TUBA3E: variants seen among roughly 807,000 people sequenced by gnomAD.
TUBA3E encodes the protein tubulin alpha 3e, also known as tubulin alpha-3E chain.
In TUBA3E, 21 loss-of-function variants were observed where a neutral mutation model predicts 36.7. The ratio of observed to expected loss-of-function variants is 0.57; its 90% CI spans 0.41 to 0.83. The LOEUF is 0.83. Ranked by LOEUF, TUBA3E falls within the 40% of genes least tolerant of loss-of-function variation. The pLI, the probability that TUBA3E is intolerant of heterozygous loss-of-function variation, is 0.00. For missense variants in TUBA3E, 469 were observed against 604.2 expected (o/e 0.78, Z 2.35); for synonymous variants, 177 against 241.9 (o/e 0.73, Z 2.49).
intron 1 of TUBA3E, among the ~76,000 whole-genome samples, chr2:130,197,379 C>T (rs143110722): frequency 0.013 from 1,017 of 79,038 alleles, 14 homozygotes; most frequent in Admixed American, 0.016. Context: ...ACCAGCTACT[C>T]GGAAGGCTGA....
In TUBA3E at chr2:130,193,808, T is replaced by G; in HGVS notation, c.1034A>C (p.Asp345Ala). ...IKTKRTIQFV[D>A]WCPTGFKVGI... ...TACCTTAAATCCAGTCGGGCACCAA[T>G]CCACAAACTGGATAGTGCGCTTGGT... Residue 345 changes from aspartate to alanine, a missense_variant, in exon 4 of 5, where the codon GAT (aspartate) becomes GCT (alanine). This residue lies in a region of TUBA3E where 296 missense variants were observed against 346.9 expected (regional missense o/e 0.85). Transcript: ENST00000312988. 2 of 1,610,148 alleles carry G rather than the reference T, an allele frequency of 1.2e-6. No homozygotes were observed. Among genetic ancestry groups the G allele is most frequent in the Middle Eastern group, 1.7e-4 (1 of 6,046 alleles).
At chr2:130,194,555 A>G in intron 3 of TUBA3E, 89 bp from the exon 4 acceptor site, 1 of 1,363,962 alleles carries the variant, frequency 7.3e-7, no homozygotes, top group Non-Finnish European at 9.9e-7. Flanking sequence ...TTTGCCTCTA[A>G]AGAGTTGATA....
chr2:130,192,048 C>T lies in TUBA3E; in HGVS notation c.1136G>A (p.Ser379Asn). Residue 379 changes from serine to asparagine, a missense_variant, in exon 5 of 5, where the codon AGC (serine) becomes AAC (asparagine). This residue lies in a region of TUBA3E where 296 missense variants were observed against 346.9 expected (regional missense o/e 0.85). Coordinates refer to ENST00000312988, the MANE Select transcript of TUBA3E (RefSeq NM_207312.3). Reference sequence around the variant, plus strand: ...GGCCTCCGCAATGGCCGTGGTGTTGCTCAGCATGCACACGGCCCGCTGCAC... The same window carrying T: ...GGCCTCCGCAATGGCCGTGGTGTTGTTCAGCATGCACACGGCCCGCTGCAC... The part of the protein sequence containing the change: ...AKVQRAVCML[S>N]NTTAIAEAWA... The T allele has an allele frequency of 2.5e-6, 4 of 1,614,144 alleles. No individual in the cohort carries two copies. The highest frequency in any genetic ancestry group is 3.4e-6 in the Non-Finnish European group (4 of 1,180,010).
At chr2:130,195,445 G>T (rs13007812) in intron 2 of TUBA3E, among the ~76,000 whole-genome samples, 1 of 152,216 alleles carries the variant, frequency 6.6e-6, no homozygotes, top group South Asian at 2.1e-4. Flanking sequence ...CTCAGCTTGT[G>T]GTATAAATGT....
chr2:130,192,859 A>G (rs909133106), intron 4 of TUBA3E, among the ~76,000 whole-genome samples: 17 of 152,080 alleles, frequency 1.1e-4, no homozygotes, highest in African/African-American at 4.1e-4. Context: ...ACTTTGGGAG[A>G]CAGGCGGGCA....
chr2:130,192,939 C>T (rs1340894263), intron 4 of TUBA3E, among the ~76,000 whole-genome samples: 2 of 152,058 alleles, frequency 1.3e-5, no homozygotes, highest in African/African-American at 4.8e-5. Flanking sequence ...ACTAAAAATA[C>T]AAAAATTAGC....
In TUBA3E at chr2:130,194,052, G is replaced by A. The variant is rs76767502; in HGVS notation, c.790C>T (p.Arg264Cys). The A allele has an allele frequency of 1.4e-4, 227 of 1,614,186 alleles. No homozygotes were observed. The highest frequency in any genetic ancestry group is 2.5e-4 in the South Asian group (23 of 91,076). ...EFQTNLVPYP[R>C]IHFPLATYAP... ...TAGGTGGCCAGGGGGAAGTGGATGC[G>A]GGGGTACGGCACGAGGTTGGTCTGG... Residue 264 changes from arginine to cysteine, a missense_variant, in exon 4 of 5, where the codon CGC becomes TGC. Around this residue, in one of 3 missense-constraint regions of TUBA3E, gnomAD observed 296 missense variants for 346.9 expected, o/e 0.85. Coordinates refer to ENST00000312988, the MANE Select transcript of TUBA3E (RefSeq NM_207312.3).
At chr2:130,198,336 G>A (rs747245731) in intron 1 of TUBA3E, 22 bp downstream of exon 1, 2 of 1,353,462 alleles carry the variant, frequency 1.5e-6, no homozygotes, top group South Asian at 2.7e-5. Flanking sequence ...CATCTGCGGG[G>A]CGGGAGTGAC....
rs3853852 is a variant in TUBA3E, at chr2:130,195,145, G to A, written c.309C>T (p.Tyr103=). The A allele has an allele frequency of 0.39, 599,673 of 1,528,264 alleles. 127,741 individuals are homozygous for A. The highest frequency in any genetic ancestry group is 0.46 in the Admixed American group (25,484 of 55,778). 94.7% of individuals were successfully genotyped at this position (1,528,264 alleles called of 1,614,324 possible). A position where few individuals can be genotyped will look rare whatever the true frequency, so the allele number is the denominator to read the frequency against. ...TGCCGATGGTGTAATGGCCCCTGGC[G>A]TAATTACTGGCTGCATCTTCCTTCC... ...ITGKEDAASN[Y]ARGHYTIGKE... The change falls in exon 3 of 5, where the codon TAC becomes TAT. Residue 103 remains tyrosine, a synonymous_variant. Transcript: ENST00000312988.
rs1690371523 is a variant in TUBA3E, at chr2:130,195,091, C to G, written c.363G>C (p.Arg121=). ...CTTCTCTTCTTACCAGTTTGCGGAT[C>G]CGGTCCAGGACTAGGTCAACAATCT... ...GKEIVDLVLD[R]IRKLADLCTG... The change falls in exon 3 of 5, where the codon CGG becomes CGC. Residue 121 remains arginine (R), a synonymous_variant. Transcript: ENST00000312988. 3 of 1,612,834 alleles carry G rather than the reference C, an allele frequency of 1.9e-6. No homozygotes were observed. The highest frequency in any genetic ancestry group is 8.5e-7 in the Non-Finnish European group (1 of 1,179,206).
intron 1 of TUBA3E, among the ~76,000 whole-genome samples, chr2:130,197,497 AAAAAAAAAAAAG>A (rs1690438814): frequency 8.3e-6 from 1 of 119,916 alleles, no homozygotes; most frequent in African/African-American, 3.1e-5. Flanking sequence ...TGTCTCAAAA[AAAAAAAAAAAAG>A]AAAAGAAAAG....
At chr2:130,197,065 G>T (rs542467959) in intron 1 of TUBA3E, among the ~76,000 whole-genome samples, 97 of 152,278 alleles carry the variant, frequency 6.4e-4, no homozygotes, top group South Asian at 1.7e-3. Flanking sequence ...TTGGCAGGCT[G>T]CCCTCTTCAT....
chr2:130,194,501 T>A (rs781232230), intron 3 of TUBA3E, 35 bp from the exon 4 acceptor site: 12 of 1,519,614 alleles, frequency 7.9e-6, no homozygotes, highest in African/African-American at 1.4e-5. Flanking sequence ...CCAATGCCCG[T>A]GGAAGCCACA....
intron 1 of TUBA3E, among the ~76,000 whole-genome samples, chr2:130,197,185 G>T (rs1266721193): frequency 6.6e-6 from 1 of 152,104 alleles, no homozygotes; most frequent in Admixed American, 6.5e-5. Context: ...ACTGTCCTTT[G>T]GTGGTTTCTT....
At chr2:130,193,346 C>T (rs1370143191) in intron 4 of TUBA3E, among the ~76,000 whole-genome samples, 1 of 151,808 alleles carries the variant, frequency 6.6e-6, no homozygotes. Context: ...CAGTGGCTCA[C>T]GACTGTAATC....
At chr2:130,192,436 GTCT>G (rs1690287163) in intron 4 of TUBA3E, among the ~76,000 whole-genome samples, 1 of 152,154 alleles carries the variant, frequency 6.6e-6, no homozygotes, top group Non-Finnish European at 1.5e-5. Flanking sequence ...TATGCTGCTT[GTCT>G]TCTTTGTAGA....
intron 4 of TUBA3E, among the ~76,000 whole-genome samples, chr2:130,193,466 G>A (rs532866830): frequency 6.2e-4 from 94 of 151,062 alleles, no homozygotes; most frequent in Middle Eastern, 3.5e-3. Flanking sequence ...AAAATTAGCC[G>A]GGCATGGTGG....
chr2:130,194,726 A>C (rs1690361998), intron 3 of TUBA3E, among the ~76,000 whole-genome samples: 1 of 152,158 alleles, frequency 6.6e-6, no homozygotes, highest in South Asian at 2.1e-4. Flanking sequence ...TGCCCAGGTT[A>C]GAGTGCAGTG....
rs375471365 is a variant in TUBA3E, at chr2:130,192,141, G to C, written c.1057-14C>G. ...GTTAATGCCCACCTGCCAGAGAAGGGAAAGAAAGCAGTCCGTGAAGCTTAT... is the reference window on the plus strand; with the variant it reads ...GTTAATGCCCACCTGCCAGAGAAGGCAAAGAAAGCAGTCCGTGAAGCTTAT... On this transcript the variant is annotated splice_polypyrimidine_tract_variant and intron_variant, in intron 4 of 4. Coordinates refer to ENST00000312988, the MANE Select transcript of TUBA3E (RefSeq NM_207312.3). 2.0e-5 allele frequency: 32 copies of C among 1,588,718 alleles called. 1 individual carries two copies. The highest frequency in any genetic ancestry group is 2.4e-5 in the Non-Finnish European group (28 of 1,166,866).
Sources: allele counts gnomAD v4.1 joint callset (sites outside exome capture counted in the v4.1 genomes callset), GRCh38; gene constraint gnomAD v4.1.1; regional missense constraint gnomAD v4.1.1; transcripts MANE v1.5; gene names NCBI Gene and HGNC (gene_info 2026-07-23, HGNC 2026-07-21).